Variants in MASP1 observed in about 807,000 individuals in gnomAD.
The protein encoded by MASP1 is mannan-binding lectin serine protease 1.
In MASP1, 59 loss-of-function variants were observed where a neutral mutation model predicts 77.1. The ratio of observed to expected loss-of-function variants is 0.77; its 90% CI spans 0.62 to 0.95. The LOEUF (loss-of-function observed/expected upper bound fraction) is 0.95, where lower values mean the gene tolerates loss of function less well. Ranked by LOEUF, MASP1 falls within the 40% of genes least tolerant of loss-of-function variation. The pLI is 0.00. For missense variants in MASP1, 885 were observed against 912.9 expected, an observed-to-expected ratio of 0.97 and a Z score of 0.39; for synonymous variants, 362 against 354.5, an observed-to-expected ratio of 1.02 and a Z score of -0.24.
Position 187,243,439 on chromosome 3 carries a change from G to A in MASP1, c.1228+45C>T, listed in dbSNP as rs371900125. ...GCCCCCAGTCCAACCCTGAGGCCCC[G>A]AGAGTGTGAAACGGGAGTGGGATGG... On this transcript the variant is annotated intron_variant, in intron 9 of 10. Transcript: ENST00000296280. The A allele has an allele frequency of 1.9e-5, 30 of 1,611,822 alleles. No homozygotes were observed. In the African/African-American group the frequency reaches 2.7e-4, roughly 14 times the overall value.
chr3:187,221,154 T>C lies in MASP1; in HGVS notation c.1810-20A>G, dbSNP rs1712036545. 3 of 1,589,674 alleles carry C rather than the reference T, an allele frequency of 1.9e-6. No homozygotes were observed. The East Asian group carries it at 6.7e-5, about 36-fold the overall frequency. ...TTCAATCTAGAACACAAAGCTGTTATTGGTCCTCATCCCCGGCTGAGAAGC... is the reference window on the plus strand; with the variant it reads ...TTCAATCTAGAACACAAAGCTGTTACTGGTCCTCATCCCCGGCTGAGAAGC... On this transcript the variant is annotated intron_variant, in intron 14 of 15. Coordinates refer to the MASP1 transcript ENST00000337774.
chr3:187,222,003 C>T (rs1201067614), intron 14 of MASP1, among the ~76,000 whole-genome samples: 3 of 152,142 alleles, frequency 2.0e-5, no homozygotes, highest in African/African-American at 7.2e-5. Flanking sequence ...TGGACAACTC[C>T]TGTTGCCCTT....
intron 2 of MASP1, 107 bp downstream of exon 2, chr3:187,285,718 G>T (rs1717791400): frequency 1.2e-6 from 1 of 856,594 alleles, no homozygotes; most frequent in Non-Finnish European, 2.0e-6. Context: ...TTGTGATGTT[G>T]TGTGTCTCTC....
downstream of MASP1, chr3:187,229,695 C>T (rs72549162): frequency 3.8e-6 from 6 of 1,593,200 alleles, no homozygotes; most frequent in Non-Finnish European, 5.1e-6. Flanking sequence ...AATGAAGAAA[C>T]CTTGGTCAGT....
At position 187,270,471 on chromosome 3, in the gene MASP1, C is replaced by T. The variant is rs1017354834; in HGVS notation, c.238-7751G>A. On this transcript the variant is annotated intron_variant, in intron 2 of 10. Transcript: ENST00000296280. ...GTCATTTTAGCTAGAACCCCTCTTA[C>T]CCCTGATGTTTCCCATTAGTAATTT... Among the ~76,000 whole-genome samples the T allele has an allele frequency of 5.3e-5, 8 of 152,152 alleles. 1 individual carries two copies. Among genetic ancestry groups the T allele is most frequent in the African/African-American group, 1.9e-4 (8 of 41,424 alleles).
intron 2 of MASP1, among the ~76,000 whole-genome samples, chr3:187,281,192 T>A (rs1047358670): frequency 6.6e-6 from 1 of 152,096 alleles, no homozygotes; most frequent in Non-Finnish European, 1.5e-5. Flanking sequence ...TGTGCATGAG[T>A]CTTGAAGACC....
intron 11 of MASP1, among the ~76,000 whole-genome samples, chr3:187,229,023 G>C (rs1231121014): frequency 1.3e-5 from 2 of 152,210 alleles, no homozygotes; most frequent in Non-Finnish European, 1.5e-5. Context: ...GCCAAGCCGG[G>C]CCTTCTTCCT....
downstream of MASP1, among the ~76,000 whole-genome samples, chr3:187,232,332 T>C (rs554299795): frequency 6.6e-6 from 1 of 151,642 alleles, no homozygotes; most frequent in Non-Finnish European, 1.5e-5. Context: ...AAATTTCCCG[T>C]AGATGATGCC....
downstream of MASP1, chr3:187,234,031 A>G (rs986428127): frequency 7.7e-6 from 9 of 1,170,766 alleles, no homozygotes; most frequent in African/African-American, 3.2e-5. Flanking sequence ...CAAAAAAGTT[A>G]AAACAAATGA....
intron 8 of MASP1, chr3:187,246,519 TC>T (rs1476583360): frequency 1.3e-5 from 13 of 985,340 alleles, no homozygotes; most frequent in Non-Finnish European, 1.6e-5. Context: ...GATCGGGCAG[TC>T]CATTTAATGC....
At position 187,251,772 on chromosome 3, in the gene MASP1, A is replaced by G. The variant is rs1157625399; in HGVS notation, c.893-20T>C. 1 of 1,580,458 alleles carries G rather than the reference A, an allele frequency of 6.3e-7. No homozygotes were observed. Among genetic ancestry groups the G allele is most frequent in the Admixed American group, 1.7e-5 (1 of 59,998 alleles). On this transcript the variant is annotated intron_variant, in intron 6 of 10. Coordinates refer to ENST00000296280, the MANE Select transcript of MASP1 (RefSeq NM_139125.4). Reference sequence around the variant, plus strand: ...CATTTCCTGGTGAGGAGCAAATGAAAGAACAGCAGGTGAGAAAAGAGAATT... The same window carrying G: ...CATTTCCTGGTGAGGAGCAAATGAAGGAACAGCAGGTGAGAAAAGAGAATT...
Position 187,236,500 on chromosome 3 carries a change from C to A in MASP1, c.1371G>T (p.Glu457Asp). 6.2e-7 allele frequency: 1 copy of A among 1,614,032 alleles called. No individual in the cohort carries two copies. The highest frequency in any genetic ancestry group is 8.5e-7 in the Non-Finnish European group (1 of 1,179,978). Residue 457 changes from glutamate to aspartate, a missense_variant, in exon 11 of 11, where the codon GAG (glutamate) becomes GAT (aspartate). Physicochemically the swap from Glu to Asp is conservative, Grantham distance 45. Coordinates refer to ENST00000296280, the MANE Select transcript of MASP1 (RefSeq NM_139125.4). The stretch of plus-strand genomic sequence containing the variant: ...GGGCCTGCCACGGGAAGAGGCCAGG[C>A]TCAGCATTTCGGCCCCCAATGATCC... ...VKRIIGGRNA[E>D]PGLFPWQALI...
rs747512224 is a variant in MASP1 at position 187,243,605 on chromosome 3, G to A, written c.1107C>T (p.Ala369=). Residue 369 remains alanine (A), a synonymous_variant, in exon 9 of 11, where the codon GCC becomes GCT. Transcript: ENST00000296280. Reference sequence around the variant, plus strand: ...TCAGCCCGTGTTCCAGCTCTCCTGGGGCTCTACAGTCTACAACTGAGAGAG... The same window carrying A: ...TCAGCCCGTGTTCCAGCTCTCCTGGAGCTCTACAGTCTACAACTGAGAGAG... ...IPTCKIVDCR[A]PGELEHGLIT... is the part of the protein sequence containing the mutation. The A allele has an allele frequency of 6.2e-7, 1 of 1,614,198 alleles. No individual in the cohort carries two copies. Among genetic ancestry groups the A allele is most frequent in the East Asian group, 2.2e-5 (1 of 44,880 alleles).
intron 4 of MASP1, among the ~76,000 whole-genome samples, chr3:187,259,413 G>A (rs1047664113): frequency 1.3e-5 from 2 of 152,126 alleles, no homozygotes; most frequent in Admixed American, 1.3e-4. Context: ...TGGTGGGGAA[G>A]GTCTTGCTTT....
chr3:187,229,968 A>G, downstream of MASP1: 1 of 1,578,782 alleles, frequency 6.3e-7, no homozygotes, highest in African/African-American at 1.3e-5. Context: ...CAGAGCTCCC[A>G]GCTCCTCACC....
At position 187,234,619 on chromosome 3, in the gene MASP1, C is replaced by T. The variant is rs1234097452; in HGVS notation, c.*1065G>A. ...AAATGAAGGAGTGGGTCCCTCTGAA[C>T]ATCCTGCGGGGTGGATTCTCCGCCC... On this transcript the variant is annotated 3_prime_UTR_variant, in exon 11 of 11. Coordinates refer to ENST00000296280, the MANE Select transcript of MASP1 (RefSeq NM_139125.4). The T allele has an allele frequency of 7.8e-7, 1 of 1,287,106 alleles. No individual in the cohort carries two copies. Among genetic ancestry groups the T allele is most frequent in the Non-Finnish European group, 1.0e-6 (1 of 988,694 alleles). The allele number at this position is 1,287,106 out of a possible 1,614,324, so 79.7% of individuals were successfully genotyped here.
In MASP1 at chr3:187,256,746, C is replaced by T. The variant is rs1386853229; in HGVS notation, c.662G>A (p.Gly221Asp). Residue 221 changes from glycine (G) to aspartate (D), a missense_variant, in exon 5 of 11, where the codon GGT becomes GAT. Coordinates refer to ENST00000296280, the MANE Select transcript of MASP1 (RefSeq NM_139125.4). ...ECLYTIELEE[G>D]FMVNLQFEDI... is the part of the protein sequence containing the mutation. ...CTCAAACTGCAGGTTGACCATGAAA[C>T]CCTCCTCCAGCTCGATGGTATACAG... 1.2e-6 allele frequency: 2 copies of T among 1,613,938 alleles called. No individual in the cohort carries two copies. The highest frequency in any genetic ancestry group is 1.7e-6 in the Non-Finnish European group (2 of 1,180,008).
intron 8 of MASP1, among the ~76,000 whole-genome samples, chr3:187,248,060 C>T (rs193301073): frequency 3.2e-4 from 48 of 152,268 alleles, no homozygotes; most frequent in Non-Finnish European, 5.6e-4. Context: ...CACAGTGCCT[C>T]GTACAGAGAG....
At chr3:187,221,210 T>A (rs552007895) in intron 14 of MASP1, 1 of 972,188 alleles carries the variant, frequency 1.0e-6, no homozygotes, top group East Asian at 2.6e-5. Context: ...TGAAGACGGC[T>A]CCTCTCCACT....
Sources: gnomAD v4.1 joint callset for allele counts (sites outside exome capture counted in the v4.1 genomes callset) on GRCh38, gnomAD v4.1.1 for gene constraint, MANE v1.5 for transcripts, NCBI Gene and HGNC (gene_info 2026-07-23, HGNC 2026-07-21) for gene names.